Variants in FAM83F observed in about 807,000 individuals in gnomAD.
FAM83F encodes protein FAM83F.
FAM83F carries 45 observed loss-of-function variants against 42.9 expected under a neutral mutation model. The observed-to-expected ratio is 1.05, with a 90% CI of 0.83 to 1.35. The LOEUF is 1.35. Ranked by LOEUF, FAM83F falls within the 40% of genes most tolerant of loss-of-function variation. The probability of loss-of-function intolerance (pLI) is 0.00; values close to 1 mark genes in which losing one functional copy is unlikely to be tolerated. For missense variants in FAM83F, 617 were observed against 695.9 expected (o/e 0.89, Z 1.28); for synonymous variants, 306 against 298.3 (o/e 1.03, Z -0.27).
In FAM83F at chr22:39,995,971, C is replaced by A. The variant is rs1236204412; in HGVS notation, c.489+440C>A. Reference sequence around the variant, plus strand: ...CAGGGAGTGGGTGGCGGTGACCTTCCCGGTCCCACCTCTGCCATGCTGCTC... The same window carrying A: ...CAGGGAGTGGGTGGCGGTGACCTTCACGGTCCCACCTCTGCCATGCTGCTC... On this transcript the variant is annotated intron_variant, in intron 1 of 4. Transcript: ENST00000333407. The surrounding 1 kb of genome is among the most constrained non-coding windows in gnomAD (Gnocchi z 4.6). 6.6e-6 allele frequency among the ~76,000 whole-genome samples: 1 copy of A among 152,182 alleles called. No individual in the cohort carries two copies. The highest frequency in any genetic ancestry group is 1.5e-5 in the Non-Finnish European group (1 of 68,028).
At chr22:40,027,255 G>A (rs1601773396) in intron 4 of FAM83F, among the ~76,000 whole-genome samples, 1 of 152,170 alleles carries the variant, frequency 6.6e-6, no homozygotes, top group South Asian at 2.1e-4. Flanking sequence ...TACAGGGAAT[G>A]CGAAGCCCTG....
intron 2 of FAM83F, 32 bp from the exon 3 acceptor site, chr22:40,019,855 C>G (rs772110228): frequency 6.3e-7 from 1 of 1,587,242 alleles, no homozygotes; most frequent in Non-Finnish European, 8.6e-7. Flanking sequence ...TGGCCCAACC[C>G]AGGTGACAGG....
chr22:40,014,400 A>G (rs2067483754), intron 1 of FAM83F, among the ~76,000 whole-genome samples: 1 of 152,094 alleles, frequency 6.6e-6, no homozygotes, highest in South Asian at 2.1e-4. Context: ...TATTAAGATA[A>G]TTATGATTTC....
chr22:39,995,652 C>G lies in FAM83F; in HGVS notation c.489+121C>G. The G allele has an allele frequency of 1.4e-6, 2 of 1,405,258 alleles. No individual in the cohort carries two copies. The highest frequency in any genetic ancestry group is 1.9e-6 in the Non-Finnish European group (2 of 1,071,602). The allele number at this position is 1,405,258 out of a possible 1,614,324, so 87.0% of individuals were successfully genotyped here. A position where few individuals can be genotyped will look rare whatever the true frequency, so the allele number is the denominator to read the frequency against. The stretch of plus-strand genomic sequence containing the variant: ...CTGAGCACCCTCTGGAAAATGGGCC[C>G]CAACCCGCCCCTACTTCCTGGGGCT... On this transcript the variant is annotated intron_variant, in intron 1 of 4. Coordinates refer to ENST00000333407, the MANE Select transcript of FAM83F (RefSeq NM_138435.4). This position sits in a 1 kb window ranked among gnomAD's most constrained non-coding sequence, Gnocchi z 4.6.
At chr22:40,010,218 A>C (rs917192354) in intron 1 of FAM83F, 8 of 151,362 alleles carry the variant, frequency 5.3e-5, no homozygotes, top group African/African-American at 1.9e-4. Context: ...CCATGATATC[A>C]TGTTTTTAAA....
At chr22:40,018,318 C>T (rs529684449) in intron 1 of FAM83F, among the ~76,000 whole-genome samples, 6 of 152,310 alleles carry the variant, frequency 3.9e-5, no homozygotes, top group South Asian at 2.1e-4. Context: ...GTGTGGCTCA[C>T]GGAGATGAGC....
chr22:39,997,647 A>T (rs1395051781), intron 1 of FAM83F, among the ~76,000 whole-genome samples: 1 of 152,170 alleles, frequency 6.6e-6, no homozygotes, highest in Non-Finnish European at 1.5e-5. Flanking sequence ...GAGAGGGTCA[A>T]CTGGAATGGG....
chr22:40,016,071 G>A (rs1014431202), intron 1 of FAM83F, among the ~76,000 whole-genome samples: 6 of 152,172 alleles, frequency 3.9e-5, no homozygotes, highest in African/African-American at 1.4e-4. Flanking sequence ...TCCTTGGGGA[G>A]GTTCAAGTTT....
Position 40,021,858 on chromosome 22 carries a change from C to T in FAM83F, c.1348C>T (p.Pro450Ser), listed in dbSNP as rs1372674211. Residue 450 changes from proline (P) to serine (S), a missense_variant, in exon 4 of 5, where the codon CCT becomes TCT. Pro to Ser is a moderately conservative substitution (Grantham distance 74). Coordinates refer to ENST00000333407, the MANE Select transcript of FAM83F (RefSeq NM_138435.4). This position sits in a 1 kb window ranked among gnomAD's most constrained non-coding sequence, Gnocchi z 8.7. ...GCTCTTCAGTCGCCGAGCCAAGAGG[C>T]CTGCGGCGCCCAATGGCATGGCCAG... ...SRLFSRRAKR[P>S]AAPNGMASSV... is the part of the protein sequence containing the mutation. The T allele has an allele frequency of 1.2e-6, 2 of 1,611,962 alleles. No individual in the cohort carries two copies. Among genetic ancestry groups the T allele is most frequent in the African/African-American group, 1.3e-5 (1 of 74,928 alleles).
intron 1 of FAM83F, chr22:39,999,214 C>T (rs946757084): frequency 2.0e-5 from 3 of 152,222 alleles, no homozygotes; most frequent in Non-Finnish European, 4.4e-5. Context: ...GCCCCTAAAC[C>T]GGGTTAGGGA....
Position 40,039,456 on chromosome 22 carries a change from A to G in FAM83F, c.*9891A>G, listed in dbSNP as rs1441347231. 1 of 152,168 alleles carries G rather than the reference A, an allele frequency of 6.6e-6. No individual in the cohort carries two copies. The highest frequency in any genetic ancestry group is 1.5e-5 in the Non-Finnish European group (1 of 68,038). 9.4% of individuals were successfully genotyped at this position (152,168 alleles called of 1,614,324 possible). A position where few individuals can be genotyped will look rare whatever the true frequency, so the allele number is the denominator to read the frequency against. ...GGTTTTATCATTATCTTAGGTGGAG[A>G]ATAACAAATCCGATTCAATATATTC... On this transcript the variant is annotated 3_prime_UTR_variant, in exon 5 of 5. Coordinates refer to ENST00000333407, the MANE Select transcript of FAM83F (RefSeq NM_138435.4).
rs1207133653 is a variant in FAM83F, at chr22:40,035,937, T to C, written c.*6372T>C. The stretch of plus-strand genomic sequence containing the variant: ...CCTGTGAAATTTACCACTTTCATAT[T>C]GAATCGTTGGCACACAGGGCTAACT... On this transcript the variant is annotated 3_prime_UTR_variant, in exon 5 of 5. Coordinates refer to ENST00000333407, the MANE Select transcript of FAM83F (RefSeq NM_138435.4). 1 of 152,222 alleles carries C rather than the reference T, an allele frequency of 6.6e-6. No individual in the cohort carries two copies. Among genetic ancestry groups the C allele is most frequent in the African/African-American group, 2.4e-5 (1 of 41,456 alleles). The allele number at this position is 152,222 out of a possible 1,614,324, so 9.4% of individuals were successfully genotyped here. A position where few individuals can be genotyped will look rare whatever the true frequency, so the allele number is the denominator to read the frequency against.
intron 1 of FAM83F, among the ~76,000 whole-genome samples, chr22:40,017,512 C>T (rs1347689914): frequency 6.6e-6 from 1 of 152,178 alleles, no homozygotes; most frequent in Non-Finnish European, 1.5e-5. Context: ...GGATTACAGG[C>T]GTGAGACACC....
In FAM83F at chr22:40,023,839, C is replaced by T. The variant is rs1266692128; in HGVS notation, c.1453+1876C>T. ...ACAGCCAGGAAGGTCCGGGGATGCC[C>T]GGAACCATCATCCCGTTCCTTGTCC... is the stretch of plus-strand genomic sequence containing the variant. On this transcript the variant is annotated intron_variant, in intron 4 of 4. Coordinates refer to ENST00000333407, the MANE Select transcript of FAM83F (RefSeq NM_138435.4). The surrounding 1 kb of genome is among the most constrained non-coding windows in gnomAD (Gnocchi z 4.1). Among the ~76,000 whole-genome samples, 1 of 152,100 alleles carries T rather than the reference C, an allele frequency of 6.6e-6. No homozygotes were observed. Among genetic ancestry groups the T allele is most frequent in the Non-Finnish European group, 1.5e-5 (1 of 68,022 alleles).
At chr22:39,998,373 T>A (rs1187508862) in intron 1 of FAM83F, among the ~76,000 whole-genome samples, 1 of 152,206 alleles carries the variant, frequency 6.6e-6, no homozygotes, top group Non-Finnish European at 1.5e-5. Flanking sequence ...TCATTTTGAT[T>A]CCTGAATCAC....
intron 1 of FAM83F, among the ~76,000 whole-genome samples, chr22:39,997,674 G>A (rs986562828): frequency 6.6e-6 from 1 of 152,218 alleles, no homozygotes; most frequent in Non-Finnish European, 1.5e-5. Flanking sequence ...TTCAGTAAGA[G>A]AGCTTTTTGC....
At chr22:40,010,315 G>A (rs2067456056) in intron 1 of FAM83F, among the ~76,000 whole-genome samples, 1 of 152,188 alleles carries the variant, frequency 6.6e-6, no homozygotes, top group African/African-American at 2.4e-5. Context: ...CGGAGAGACT[G>A]GGGAGCTGGT....
At position 39,995,348 on chromosome 22, in the gene FAM83F, C is replaced by A. The variant is rs918263276; in HGVS notation, c.306C>A (p.Gly102=). ...CCGCGCCGGCGCCGGCTGAGTCCGG[C>A]GAGTCCCTGGCCTACTGGCCCGACC... is the stretch of plus-strand genomic sequence containing the variant. ...KAPAPAPAES[G]ESLAYWPDRS... Residue 102 remains glycine, a synonymous_variant, in exon 1 of 5, where the codon GGC becomes GGA. Transcript: ENST00000333407. This position sits in a 1 kb window ranked among gnomAD's most constrained non-coding sequence, Gnocchi z 4.6. 1.3e-6 allele frequency: 2 copies of A among 1,541,866 alleles called. No homozygotes were observed. Among genetic ancestry groups the A allele is most frequent in the Non-Finnish European group, 8.7e-7 (1 of 1,146,202 alleles).
intron 1 of FAM83F, among the ~76,000 whole-genome samples, chr22:40,002,513 G>A (rs982549981): frequency 6.6e-6 from 1 of 152,168 alleles, no homozygotes; most frequent in African/African-American, 2.4e-5. Flanking sequence ...GTTCACGGTA[G>A]CAAAGCCAGT....
Sources: allele counts gnomAD v4.1 joint callset (sites outside exome capture counted in the v4.1 genomes callset), GRCh38; gene constraint gnomAD v4.1.1; non-coding constraint Gnocchi (gnomAD v3.1); transcripts MANE v1.5; gene names NCBI Gene and HGNC (gene_info 2026-07-23, HGNC 2026-07-21).